The following JRK variants were observed in gnomAD, a reference collection of about 807,000 sequenced individuals.
JRK encodes jerky protein homolog.
For missense variants in JRK, 720 were observed against 509.2 expected (o/e 1.41, Z -3.98); for synonymous variants, 303 against 218.1 (o/e 1.39, Z -3.43).
Position 142,662,068 on chromosome 8 carries a change from C to T in JRK, c.*2284G>A. The T allele has an allele frequency of 1.9e-5, 19 of 985,474 alleles. No homozygotes were observed. The highest frequency in any genetic ancestry group is 2.3e-5 in the Non-Finnish European group (19 of 829,984). The allele number at this position is 985,474 out of a possible 1,614,324, so 61.0% of individuals were successfully genotyped here. On this transcript the variant is annotated 3_prime_UTR_variant, in exon 2 of 2. Coordinates refer to ENST00000612905, the MANE Select transcript of JRK (RefSeq NM_003724.4). ...TGGGTGGCACAAGGGATTCCAGCCA[C>T]AAGGGCTGCACCTAGAGTCAGGCTC... is the stretch of plus-strand genomic sequence containing the variant.
the JRK span, among the ~76,000 whole-genome samples, chr8:142,649,650 C>G: frequency 0.59 from 90,188 of 152,160 alleles, 28,174 homozygotes; most frequent in Admixed American, 0.69. Flanking sequence ...ATGCTGTTGA[C>G]CCTGTGAGTG....
the JRK span, among the ~76,000 whole-genome samples, chr8:142,648,978 T>C: frequency 3.9e-5 from 6 of 152,160 alleles, no homozygotes; most frequent in African/African-American, 1.2e-4. Flanking sequence ...TCAAAGGAGA[T>C]CATTTTGGAG....
rs781926968 is a variant in JRK at position 142,664,563 on chromosome 8, C to T, written c.1496G>A (p.Arg499His). Residue 499 changes from arginine to histidine, a missense_variant, in exon 2 of 2, where the codon CGC (arginine) becomes CAC (histidine). Arg to His is a conservative substitution (Grantham distance 29). Transcript: ENST00000612905. The stretch of plus-strand genomic sequence containing the variant: ...GAAGCATGGCTGCCGCTCCGCAAAG[C>T]GCAGGACTGCGTCAAAGGCCACGGC... ...QAAVAFDAVL[R>H]FAERQPCFSA... 41 of 1,608,058 alleles carry T rather than the reference C, an allele frequency of 2.5e-5. No homozygotes were observed. The highest frequency in any genetic ancestry group is 4.0e-5 in the African/African-American group (3 of 74,840).
chr8:142,661,315 C>T lies in JRK; in HGVS notation c.*3037G>A. 1 of 985,498 alleles carries T rather than the reference C, an allele frequency of 1.0e-6. No homozygotes were observed. Among genetic ancestry groups the T allele is most frequent in the Non-Finnish European group, 1.2e-6 (1 of 829,954 alleles). 61.0% of individuals were successfully genotyped at this position (985,498 alleles called of 1,614,324 possible). A position where few individuals can be genotyped will look rare whatever the true frequency, so the allele number is the denominator to read the frequency against. ...ACCTACCCATCCTAACCCCTGAATT[C>T]ACCATGCCACCCTGAAAGTATGGCC... On this transcript the variant is annotated 3_prime_UTR_variant, in exon 2 of 2. Coordinates refer to ENST00000612905, the MANE Select transcript of JRK (RefSeq NM_003724.4).
In JRK at chr8:142,659,781, C is replaced by G. The variant is rs1007959348; in HGVS notation, c.*4571G>C. The G allele has an allele frequency of 5.1e-6, 5 of 985,558 alleles. No homozygotes were observed. The highest frequency in any genetic ancestry group is 6.0e-6 in the Non-Finnish European group (5 of 830,004). 61.1% of individuals were successfully genotyped at this position (985,558 alleles called of 1,614,324 possible). A position where few individuals can be genotyped will look rare whatever the true frequency, so the allele number is the denominator to read the frequency against. ...ACAGCAGGGAGTGAGCAGTGGAGAA[C>G]GTGAGGCTGGTCATTAGGAGCAGGT... On this transcript the variant is annotated 3_prime_UTR_variant, in exon 2 of 2. Coordinates refer to ENST00000612905, the MANE Select transcript of JRK (RefSeq NM_003724.4).
chr8:142,661,244 C>T lies in JRK; in HGVS notation c.*3108G>A. 1.0e-6 allele frequency: 1 copy of T among 985,572 alleles called. No homozygotes were observed. The allele number at this position is 985,572 out of a possible 1,614,324, so 61.1% of individuals were successfully genotyped here. A position where few individuals can be genotyped will look rare whatever the true frequency, so the allele number is the denominator to read the frequency against. ...GAAGGCCAGGCTGGCACAGGCAGGA[C>T]AGGTGTTCTGTAAACCAACCCCAAC... On this transcript the variant is annotated 3_prime_UTR_variant, in exon 2 of 2. Coordinates refer to ENST00000612905, the MANE Select transcript of JRK (RefSeq NM_003724.4).
In JRK at chr8:142,665,604, C is replaced by T. The variant is rs201592742; in HGVS notation, c.455G>A (p.Ser152Asn). 3,013 of 718,562 alleles carry T rather than the reference C, an allele frequency of 4.2e-3. 12 individuals carry two copies. Among genetic ancestry groups the T allele is most frequent in the Non-Finnish European group, 4.7e-3 (1,807 of 385,100 alleles). 44.5% of individuals were successfully genotyped at this position (718,562 alleles called of 1,614,324 possible). A position where few individuals can be genotyped will look rare whatever the true frequency, so the allele number is the denominator to read the frequency against. ...CTGGTGGTCGGCTGACTGCTTTTCA[C>T]TGGATGCATCTAGCTTTTTAATGCC... is the stretch of plus-strand genomic sequence containing the variant. ...RHGIKKLDAS[S>N]EKQSADHQAA... is the part of the protein sequence containing the mutation. The change falls in exon 2 of 2, where the codon AGT becomes AAT. Residue 152 changes from serine to asparagine, a missense_variant. Coordinates refer to ENST00000612905, the MANE Select transcript of JRK (RefSeq NM_003724.4).
At chr8:142,644,573 A>G in the JRK span, among the ~76,000 whole-genome samples, 1 of 152,210 alleles carries the variant, frequency 6.6e-6, no homozygotes, top group Non-Finnish European at 1.5e-5. Flanking sequence ...TAGGTCAGAA[A>G]AAGACATAAT....
chr8:142,664,802 C>T lies in JRK; in HGVS notation c.1257G>A (p.Leu419=). 1.3e-6 allele frequency: 2 copies of T among 1,596,470 alleles called. No homozygotes were observed. The highest frequency in any genetic ancestry group is 1.7e-6 in the Non-Finnish European group (2 of 1,172,040). ...KPHNKSFAHI[L]ELVKEGSSCP... is the part of the protein sequence containing the mutation. ...AGGAGGAGCCTTCCTTCACAAGCTC[C>T]AGGATGTGTGCAAAGGACTTGTTGT... The change falls in exon 2 of 2, where the codon CTG becomes CTA. Residue 419 remains leucine (L), a synonymous_variant. Transcript: ENST00000612905.
At chr8:142,652,181 A>G in the JRK span, among the ~76,000 whole-genome samples, 3 of 152,158 alleles carry the variant, frequency 2.0e-5, no homozygotes, top group Non-Finnish European at 4.4e-5. Flanking sequence ...ATTTTTTCAA[A>G]GGTCAGAGGC....
rs1846903262 is a variant in JRK, at chr8:142,661,162, G to C, written c.*3190C>G. The C allele has an allele frequency of 1.0e-6, 1 of 985,488 alleles. No homozygotes were observed. Among genetic ancestry groups the C allele is most frequent in the Non-Finnish European group, 1.2e-6 (1 of 829,978 alleles). 61.0% of individuals were successfully genotyped at this position (985,488 alleles called of 1,614,324 possible). ...CAGGCCCAGGGCAAGGTCTGCTCTA[G>C]ACCCTCCTATGCAGGAGACAGACAA... On this transcript the variant is annotated 3_prime_UTR_variant, in exon 2 of 2. Coordinates refer to ENST00000612905, the MANE Select transcript of JRK (RefSeq NM_003724.4).
At chr8:142,656,533 G>C (rs782020433), downstream of JRK, among the ~76,000 whole-genome samples, 1 of 152,096 alleles carries the variant, frequency 6.6e-6, no homozygotes, top group Non-Finnish European at 1.5e-5. Context: ...GATAGTTCCT[G>C]AAGTTAGTGT....
chr8:142,659,144 C>T lies in JRK; in HGVS notation c.*5208G>A. 7.5e-7 allele frequency: 1 copy of T among 1,336,850 alleles called. No individual in the cohort carries two copies. Among genetic ancestry groups the T allele is most frequent in the Non-Finnish European group, 9.6e-7 (1 of 1,040,556 alleles). The allele number at this position is 1,336,850 out of a possible 1,614,324, so 82.8% of individuals were successfully genotyped here. A position where few individuals can be genotyped will look rare whatever the true frequency, so the allele number is the denominator to read the frequency against. On this transcript the variant is annotated 3_prime_UTR_variant, in exon 2 of 2. Coordinates refer to ENST00000612905, the MANE Select transcript of JRK (RefSeq NM_003724.4). ...GCCAGGTGCCAAGTCCCAGCTCAAGCCTGGCAGCTCCTCCCACTGAGCCTC... is the reference window on the plus strand; with the variant it reads ...GCCAGGTGCCAAGTCCCAGCTCAAGTCTGGCAGCTCCTCCCACTGAGCCTC...
In JRK at chr8:142,666,457, C is replaced by G. The variant is rs1351253217; in HGVS notation, c.-399G>C. On this transcript the variant is annotated 5_prime_UTR_variant, in exon 2 of 2. Transcript: ENST00000612905. ...AGGTTTGGGGTGGTAGAGGTTTTAC[C>G]GCATAAGCAGCAGGTGCCTCTCCAG... 5.9e-6 allele frequency: 2 copies of G among 339,708 alleles called. No individual in the cohort carries two copies. The highest frequency in any genetic ancestry group is 1.2e-5 in the Non-Finnish European group (2 of 168,084). The allele number at this position is 339,708 out of a possible 1,614,324, so 21.0% of individuals were successfully genotyped here.
chr8:142,667,543 CTTTAGCA>C (rs1296274651), intron 1 of JRK, among the ~76,000 whole-genome samples: 1 of 152,122 alleles, frequency 6.6e-6, no homozygotes, highest in Admixed American at 6.5e-5. Context: ...GCAGGAACTT[CTTTAGCA>C]TTTGCTAATT....
chr8:142,660,989 CT>C lies in JRK; in HGVS notation c.*3362del. On this transcript the variant is annotated 3_prime_UTR_variant, in exon 2 of 2. Coordinates refer to ENST00000612905, the MANE Select transcript of JRK (RefSeq NM_003724.4). ...GTGGGCAGGGGCTGCGACTTCCTTT[CT>C]TCCAATCAACTCCACCACTAGCAAT... 6.1e-6 allele frequency: 6 copies of C among 985,478 alleles called. No individual in the cohort carries two copies. The highest frequency in any genetic ancestry group is 7.2e-6 in the Non-Finnish European group (6 of 829,962). The allele number at this position is 985,478 out of a possible 1,614,324, so 61.0% of individuals were successfully genotyped here.
rs375217184 is a variant in JRK, at chr8:142,665,783, G to A, written c.276C>T (p.Val92=). The A allele has an allele frequency of 1.5e-4, 113 of 778,302 alleles. No homozygotes were observed. The highest frequency in any genetic ancestry group is 2.4e-4 in the Non-Finnish European group (99 of 417,220). The allele number at this position is 778,302 out of a possible 1,614,324, so 48.2% of individuals were successfully genotyped here. A position where few individuals can be genotyped will look rare whatever the true frequency, so the allele number is the denominator to read the frequency against. The change falls in exon 2 of 2, where the codon GTC becomes GTT. Residue 92 remains valine, a synonymous_variant. Transcript: ENST00000612905. The part of the protein sequence containing the change: ...HTPKLEHLDR[V]LYEWFLGKRS... ...GCTTCCCCAGGAACCACTCGTACAGGACGCGGTCCAGGTGCTCCAGCTTGG... is the reference window on the plus strand; with the variant it reads ...GCTTCCCCAGGAACCACTCGTACAGAACGCGGTCCAGGTGCTCCAGCTTGG...
the JRK span, among the ~76,000 whole-genome samples, chr8:142,648,265 A>G: frequency 6.6e-6 from 1 of 152,272 alleles, no homozygotes; most frequent in Non-Finnish European, 1.5e-5. Flanking sequence ...AGAAATTTGC[A>G]TAAGTAACAA....
chr8:142,660,513 C>T lies in JRK; in HGVS notation c.*3839G>A. ...ACTCCTGGGCTTGGGGATCCTCCCG[C>T]CTCGGCCTCCTGAGTAGCTGGGGTT... On this transcript the variant is annotated 3_prime_UTR_variant, in exon 2 of 2. Transcript: ENST00000612905. 1 of 810,542 alleles carries T rather than the reference C, an allele frequency of 1.2e-6. No homozygotes were observed. Among genetic ancestry groups the T allele is most frequent in the Non-Finnish European group, 1.5e-6 (1 of 670,852 alleles). 50.2% of individuals were successfully genotyped at this position (810,542 alleles called of 1,614,324 possible).
Sources: allele counts gnomAD v4.1 joint callset (sites outside exome capture counted in the v4.1 genomes callset), GRCh38; gene constraint gnomAD v4.1.1; transcripts MANE v1.5; gene names NCBI Gene and HGNC (gene_info 2026-07-23, HGNC 2026-07-21).